GUCY2F: variants seen among roughly 807,000 people sequenced by gnomAD.
The protein encoded by GUCY2F is guanylate cyclase 2F, retinal.
Under a neutral mutation model 73.1 loss-of-function variants are expected in GUCY2F, and 61 were observed. The ratio of observed to expected loss-of-function variants is 0.83; its 90% CI spans 0.68 to 1.03. GUCY2F has a LOEUF of 1.03. GUCY2F is among the 50% of genes least tolerant of loss of function. GUCY2F has a pLI of 0.00. For missense variants in GUCY2F, 912 were observed against 854.3 expected (o/e 1.07, Z -0.84); for synonymous variants, 331 against 307.8 (o/e 1.08, Z -0.79).
intron 7 of GUCY2F, among the ~76,000 whole-genome samples, chrX:109,436,606 T>TA (rs1254751236): frequency 9.0e-6 from 1 of 111,650 alleles, no homozygotes; most frequent in African/African-American, 3.3e-5. Context: ...TATGCAGCCA[T>TA]AAAAAAGGAT....
chrX:109,442,871 C>T, intron 6 of GUCY2F, among the ~76,000 whole-genome samples: 1 of 111,812 alleles, frequency 8.9e-6, no homozygotes, highest in Middle Eastern at 4.6e-3. Context: ...GTACCTAGAT[C>T]TGTATATTGA....
chrX:109,469,547 C>A (rs1247781002), intron 2 of GUCY2F, among the ~76,000 whole-genome samples: 1 of 109,720 alleles, frequency 9.1e-6, no homozygotes, highest in Non-Finnish European at 1.9e-5. Flanking sequence ...ACAGAGACAC[C>A]CCCCCATTCT....
At chrX:109,391,853 G>T in intron 14 of GUCY2F, 58 bp downstream of exon 14, 1 of 708,011 alleles carries the variant, frequency 1.4e-6, no homozygotes, top group Non-Finnish European at 2.1e-6. Context: ...GAATACATAT[G>T]GATGGGCCTC....
At chrX:109,401,587 G>A (rs927813437) in intron 10 of GUCY2F, among the ~76,000 whole-genome samples, 2 of 111,840 alleles carry the variant, frequency 1.8e-5, no homozygotes, top group Admixed American at 1.9e-4. Context: ...ACTGTGAAAG[G>A]CACTGAGAAA....
In GUCY2F at chrX:109,376,580, GA is replaced by G. The variant is rs199895889; in HGVS notation, c.3151-414del. 8.0e-5 allele frequency among the ~76,000 whole-genome samples: 9 copies of G among 112,299 alleles called. No individual in the cohort carries two copies. The East Asian group carries it at 2.3e-3, about 28-fold the overall frequency. On this transcript the variant is annotated intron_variant, in intron 17 of 19. Coordinates refer to ENST00000218006, the MANE Select transcript of GUCY2F (RefSeq NM_001522.3). Reference sequence around the variant, plus strand: ...CAAACCCAAAAAGAGAGTAGAAATGGAAAACAGGCTGTTAAATTTTAAGCCT... The same window carrying G: ...CAAACCCAAAAAGAGAGTAGAAATGGAAACAGGCTGTTAAATTTTAAGCCT...
At chrX:109,454,620 A>G (rs138779100) in intron 3 of GUCY2F, among the ~76,000 whole-genome samples, 1,310 of 112,301 alleles carry the variant, frequency 0.012, 6 homozygotes, top group Middle Eastern at 0.023. Context: ...CCTGCTAAAT[A>G]AATATGGTAA....
rs147384675 is a variant in GUCY2F, at chrX:109,391,951, G to A, written c.2741C>T (p.Thr914Ile). The A allele has an allele frequency of 2.3e-5, 28 of 1,206,919 alleles. No homozygotes were observed. The highest frequency in any genetic ancestry group is 2.9e-5 in the Non-Finnish European group (26 of 891,956). The change falls in exon 14 of 20, where the codon ACA becomes ATA. Residue 914 changes from threonine (T) to isoleucine (I), a missense_variant. By Grantham distance (89) the Thr-to-Ile change is moderately conservative (BLOSUM62 -1). Transcript: ENST00000218006. Reference protein sequence around the residue: ...EVVDLLNDLYTLFDAIIGSHD... With the variant: ...EVVDLLNDLYILFDAIIGSHD... ...ACTGCCAATTATTGCATCAAAGAGT[G>A]TGTACAGGTCATTCAGAAGATCCAC...
chrX:109,448,097 G>T lies in GUCY2F; in HGVS notation c.1541C>A (p.Thr514Lys), dbSNP rs149713239. The T allele has an allele frequency of 9.0e-7, 1 of 1,110,405 alleles. No individual in the cohort carries two copies. Among genetic ancestry groups the T allele is most frequent in the Non-Finnish European group, 1.2e-6 (1 of 803,748 alleles). 91.5% of individuals were successfully genotyped at this position (1,110,405 alleles called of 1,213,427 possible). Residue 514 changes from threonine to lysine, a missense_variant, in exon 6 of 20, where the codon ACG (threonine) becomes AAG (lysine). By Grantham distance (78) the Thr-to-Lys change is moderately conservative. Coordinates refer to ENST00000218006, the MANE Select transcript of GUCY2F (RefSeq NM_001522.3). ...ACTGCCAAAGTGGGGATTGATAAAC[G>T]TTACATCCTCCAAAGTCAGTAGAAT... is the stretch of plus-strand genomic sequence containing the variant. ...NRILLTLEDV[T>K]FINPHFGSKR...
chrX:109,434,151 G>C (rs73530226), intron 7 of GUCY2F, among the ~76,000 whole-genome samples: 143 of 110,580 alleles, frequency 1.3e-3, no homozygotes, highest in Non-Finnish European at 2.3e-3. Context: ...AAAGAGGAAA[G>C]AGTAGTCAGA....
intron 8 of GUCY2F, among the ~76,000 whole-genome samples, chrX:109,428,915 A>T (rs1292279736): frequency 8.9e-6 from 1 of 112,364 alleles, no homozygotes; most frequent in Non-Finnish European, 1.9e-5. Flanking sequence ...AGCTACCCCA[A>T]AAAAGATGTC....
At chrX:109,406,157 T>A (rs186908227) in intron 9 of GUCY2F, among the ~76,000 whole-genome samples, 46 of 111,724 alleles carry the variant, frequency 4.1e-4, no homozygotes, top group Admixed American at 4.0e-3. Context: ...GTTCATGGGA[T>A]CCCCAGAAGC....
At chrX:109,411,255 CAAAAAAA>C (rs60845603) in intron 8 of GUCY2F, among the ~76,000 whole-genome samples, 7 of 43,398 alleles carry the variant, frequency 1.6e-4, no homozygotes, top group Admixed American at 1.6e-3. Context: ...ACTCCATTTT[CAAAAAAA>C]AAAAAAAAAA....
intron 9 of GUCY2F, among the ~76,000 whole-genome samples, chrX:109,406,764 G>A (rs1930982080): frequency 9.0e-6 from 1 of 111,263 alleles, no homozygotes; most frequent in Non-Finnish European, 1.9e-5. Context: ...TAAGTCTCAC[G>A]AGATCTGATG....
At chrX:109,445,294 A>T (rs1032281764) in intron 6 of GUCY2F, among the ~76,000 whole-genome samples, 1 of 112,156 alleles carries the variant, frequency 8.9e-6, no homozygotes, top group Admixed American at 9.4e-5. Flanking sequence ...AGCACCTACT[A>T]TATTATAAGC....
chrX:109,463,433 CTT>C (rs755756631), intron 3 of GUCY2F, among the ~76,000 whole-genome samples: 11 of 83,973 alleles, frequency 1.3e-4, no homozygotes, highest in Admixed American at 1.3e-4. Context: ...TTTCCTCACT[CTT>C]TTTTTTTTTT....
In GUCY2F at chrX:109,446,376, A is replaced by C. The variant is rs925753930; in HGVS notation, c.1569+1693T>G. ...ATCACACTACCTGATTTCAAACTAT[A>C]CTACAAGGCTACAGTAACCAAAACA... is the stretch of plus-strand genomic sequence containing the variant. On this transcript the variant is annotated intron_variant, in intron 6 of 19. Coordinates refer to ENST00000218006, the MANE Select transcript of GUCY2F (RefSeq NM_001522.3). 1.9e-4 allele frequency among the ~76,000 whole-genome samples: 21 copies of C among 111,996 alleles called. 1 individual carries two copies. The highest frequency in any genetic ancestry group is 8.5e-4 in the Admixed American group (9 of 10,589).
rs1215682246 is a variant in GUCY2F at position 109,475,380 on chromosome X, G to T, written c.557C>A (p.Ala186Asp). Residue 186 changes from alanine (A) to aspartate (D), a missense_variant, in exon 2 of 20, where the codon GCT (alanine) becomes GAT (aspartate). Physicochemically the swap from Ala to Asp is moderately radical, Grantham distance 126 (BLOSUM62 -2). Transcript: ENST00000218006. The part of the protein sequence containing the change: ...LVTVMKYFQW[A>D]HAGVISSDED... Reference sequence around the variant, plus strand: ...ATCTGAGGAAATGACTCCAGCATGAGCCCACTGGAAATATTTCATGACAGT... The same window carrying T: ...ATCTGAGGAAATGACTCCAGCATGATCCCACTGGAAATATTTCATGACAGT... 1 of 1,208,129 alleles carries T rather than the reference G, an allele frequency of 8.3e-7. No individual in the cohort carries two copies. The highest frequency in any genetic ancestry group is 1.1e-6 in the Non-Finnish European group (1 of 893,502).
At chrX:109,434,401 T>C (rs751866006) in intron 7 of GUCY2F, among the ~76,000 whole-genome samples, 1 of 109,482 alleles carries the variant, frequency 9.1e-6, no homozygotes, top group Non-Finnish European at 1.9e-5. Context: ...CCAAAGGTTA[T>C]GCATCTGTGT....
intron 2 of GUCY2F, among the ~76,000 whole-genome samples, chrX:109,466,749 T>A (rs1414943754): frequency 8.9e-6 from 1 of 111,910 alleles, no homozygotes; most frequent in Non-Finnish European, 1.9e-5. Flanking sequence ...TTATACATGT[T>A]TATATGGAAC....
Sources: gnomAD v4.1 joint callset for allele counts (sites outside exome capture counted in the v4.1 genomes callset) on GRCh38, gnomAD v4.1.1 for gene constraint, MANE v1.5 for transcripts, NCBI Gene and HGNC (gene_info 2026-07-23, HGNC 2026-07-21) for gene names.